The following PCDHA8 variants were observed in gnomAD, a reference collection of about 807,000 sequenced individuals.
PCDHA8 encodes protocadherin alpha 8, also known as protocadherin alpha-8.
PCDHA8 carries 53 observed loss-of-function variants against 61.8 expected under a neutral mutation model. The observed-to-expected ratio is 0.86, with a 90% CI of 0.69 to 1.08. The LOEUF is 1.08. Ranked by LOEUF, PCDHA8 falls within the 50% of genes least tolerant of loss-of-function variation. The probability of loss-of-function intolerance (pLI) is 0.00; values close to 1 mark genes in which losing one functional copy is unlikely to be tolerated. For missense variants in PCDHA8, 1,293 were observed against 1,245.0 expected (o/e 1.04, Z -0.58); for synonymous variants, 618 against 556.6 (o/e 1.11, Z -1.55).
intron 1 of PCDHA8, among the ~76,000 whole-genome samples, chr5:140,977,050 G>A (rs546385020): frequency 6.6e-6 from 1 of 152,162 alleles, no homozygotes; most frequent in Non-Finnish European, 1.5e-5. Context: ...TGTTGCTGAT[G>A]GACTAGTATA....
chr5:140,862,447 G>C, intron 1 of PCDHA8: 1 of 362,296 alleles, frequency 2.8e-6, no homozygotes, highest in Non-Finnish European at 5.5e-6. Flanking sequence ...GTACTCCACA[G>C]CGCCCTGGAC....
At chr5:140,876,673 T>C (rs1554168774) in intron 1 of PCDHA8, 1 of 1,614,206 alleles carries the variant, frequency 6.2e-7, no homozygotes, top group Non-Finnish European at 8.5e-7. Flanking sequence ...GGTGTCCACC[T>C]ACAAGAATTA....
chr5:140,942,532 A>G (rs1474733493), intron 1 of PCDHA8, among the ~76,000 whole-genome samples: 2 of 152,142 alleles, frequency 1.3e-5, no homozygotes, highest in Non-Finnish European at 2.9e-5. Context: ...CAACTAACTC[A>G]GTATGGTGGG....
intron 1 of PCDHA8, chr5:140,851,016 A>T: frequency 7.0e-7 from 1 of 1,434,004 alleles, no homozygotes; most frequent in East Asian, 2.4e-5. Flanking sequence ...TTTTTTTCTG[A>T]TAAAGTAAAC....
chr5:140,886,689 G>T (rs1267444522), intron 1 of PCDHA8, among the ~76,000 whole-genome samples: 1 of 152,022 alleles, frequency 6.6e-6, no homozygotes, highest in Admixed American at 6.5e-5. Context: ...AGCGAGGCAT[G>T]GTGGCACGCG....
intron 1 of PCDHA8, chr5:140,969,240 C>T: frequency 6.2e-7 from 1 of 1,614,198 alleles, no homozygotes; most frequent in South Asian, 1.1e-5. Context: ...GCCCAAGCAG[C>T]AGTGACTGAC....
chr5:140,956,921 G>T (rs2095321008), intron 1 of PCDHA8, among the ~76,000 whole-genome samples: 1 of 151,968 alleles, frequency 6.6e-6, no homozygotes, highest in Admixed American at 6.6e-5. Context: ...CTTTAATCTT[G>T]CTGGATATAG....
chr5:140,898,505 T>A (rs1367691811), intron 1 of PCDHA8, among the ~76,000 whole-genome samples: 1 of 152,202 alleles, frequency 6.6e-6, no homozygotes, highest in East Asian at 1.9e-4. Flanking sequence ...GTTGTAGATA[T>A]GCGGCGTTAT....
chr5:140,848,876 C>T (rs2150423222), intron 1 of PCDHA8: 4 of 1,590,940 alleles, frequency 2.5e-6, no homozygotes, highest in Admixed American at 1.7e-5. Context: ...AGGACATTAA[C>T]GACAACCCTC....
chr5:140,923,062 A>G (rs548165193), intron 1 of PCDHA8, among the ~76,000 whole-genome samples: 1 of 152,372 alleles, frequency 6.6e-6, no homozygotes, highest in African/African-American at 2.4e-5. Context: ...TAAAAGAGCT[A>G]GGTCTCCTCA....
At chr5:140,892,350 T>C (rs1195187313) in intron 1 of PCDHA8, among the ~76,000 whole-genome samples, 1 of 152,262 alleles carries the variant, frequency 6.6e-6, no homozygotes, top group Non-Finnish European at 1.5e-5. Context: ...AATTGACTTT[T>C]GCCAGGCATC....
intron 1 of PCDHA8, among the ~76,000 whole-genome samples, chr5:140,960,137 T>C (rs2095528767): frequency 6.6e-6 from 1 of 152,232 alleles, no homozygotes; most frequent in African/African-American, 2.4e-5. Flanking sequence ...AATACTTAGA[T>C]ATTAATAGCT....
intron 1 of PCDHA8, chr5:140,967,005 A>G: frequency 1.2e-6 from 2 of 1,605,512 alleles, no homozygotes; most frequent in African/African-American, 1.3e-5. Flanking sequence ...TTGCGCATCA[A>G]CCATCTGGGT....
intron 1 of PCDHA8, among the ~76,000 whole-genome samples, chr5:140,901,222 C>A (rs1336015424): frequency 6.6e-6 from 1 of 151,984 alleles, no homozygotes; most frequent in Admixed American, 6.6e-5. Context: ...TGATGTGATC[C>A]CATATATCCA....
At chr5:140,860,183 C>G (rs1286653695) in intron 1 of PCDHA8, 2 of 149,278 alleles carry the variant, frequency 1.3e-5, no homozygotes, top group Non-Finnish European at 3.0e-5. Flanking sequence ...ATATGATGGG[C>G]TCTCCTTACA....
intron 1 of PCDHA8, chr5:140,866,250 C>G (rs2049240306): frequency 6.6e-6 from 1 of 152,128 alleles, no homozygotes; most frequent in South Asian, 2.1e-4. Flanking sequence ...AAATGACACC[C>G]TTCTTTCTTT....
chr5:140,873,893 T>G (rs1308011914), intron 1 of PCDHA8, among the ~76,000 whole-genome samples: 2 of 152,166 alleles, frequency 1.3e-5, no homozygotes, highest in Non-Finnish European at 2.9e-5. Context: ...ACTCCTGACC[T>G]CAGGTGATCT....
At position 140,894,520 on chromosome 5, in the gene PCDHA8, C is replaced by T. The variant is rs377646516; in HGVS notation, c.2394+50805C>T. On this transcript the variant is annotated intron_variant, in intron 1 of 3. Coordinates refer to ENST00000531613, the MANE Select transcript of PCDHA8 (RefSeq NM_018911.3). ...AGGCATTATCCATAGTGTTTATATG[C>T]TGTTATGTGCCTTCTGGTTTAGTGT... is the stretch of plus-strand genomic sequence containing the variant. Among the ~76,000 whole-genome samples, 12 of 151,842 alleles carry T rather than the reference C, an allele frequency of 7.9e-5. No homozygotes were observed. In the East Asian group the frequency reaches 1.9e-3, roughly 24 times the overall value.
chr5:140,958,422 C>A (rs1436234763), intron 1 of PCDHA8, among the ~76,000 whole-genome samples: 1 of 152,120 alleles, frequency 6.6e-6, no homozygotes, highest in African/African-American at 2.4e-5. Context: ...TGGAAAGAAG[C>A]ACTTTTTATA....
Sources: allele counts gnomAD v4.1 joint callset (sites outside exome capture counted in the v4.1 genomes callset), GRCh38; gene constraint gnomAD v4.1.1; transcripts MANE v1.5; gene names NCBI Gene and HGNC (gene_info 2026-07-23, HGNC 2026-07-21).